UNC5CL: variants seen among roughly 807,000 people sequenced by gnomAD.
The protein encoded by UNC5CL is UNC5C-like protein.
UNC5CL carries 42 observed loss-of-function variants against 54.1 expected under a neutral mutation model. That is an observed-to-expected ratio of 0.78 (90% CI 0.61 to 1.00). The LOEUF (loss-of-function observed/expected upper bound fraction) is 1.00. UNC5CL is among the 50% of genes least tolerant of loss of function. The pLI is 0.00. For synonymous variants in UNC5CL, 285 were observed against 285.1 expected (o/e 1.00, Z 0.00); for missense variants, 619 against 675.6 (o/e 0.92, Z 0.93).
Position 41,034,724 on chromosome 6 carries a change from G to A in UNC5CL, c.351C>T (p.Leu117=), listed in dbSNP as rs1401063042. Residue 117 remains leucine, a synonymous_variant, in exon 2 of 9, where the codon CTC becomes CTT. Coordinates refer to ENST00000244565, the MANE Select transcript of UNC5CL (RefSeq NM_173561.3). ...TGAGCAAGGAGATGCCTGTATCCTG[G>A]AGCATCAGGCAACCGCCGCGGTGAT... The part of the protein sequence containing the change: ...EVDHRGGCLM[L]QDTGISLLIP... 4 of 1,606,372 alleles carry A rather than the reference G, an allele frequency of 2.5e-6. No homozygotes were observed. Among genetic ancestry groups the A allele is most frequent in the Middle Eastern group, 1.7e-4 (1 of 6,060 alleles).
rs530886462 is a variant in UNC5CL at position 41,031,000 on chromosome 6, G to T, written c.1120-245C>A. 7.9e-5 allele frequency among the ~76,000 whole-genome samples: 12 copies of T among 152,286 alleles called. No homozygotes were observed. In the East Asian group the frequency reaches 1.9e-3, roughly 24 times the overall value. ...TTTGGGAACTGGGACATGAAGACCA[G>T]AGTGCAGCCTGAGCCACCAGGGGAA... On this transcript the variant is annotated intron_variant, in intron 6 of 8. Coordinates refer to ENST00000244565, the MANE Select transcript of UNC5CL (RefSeq NM_173561.3).
chr6:41,028,416 C>A lies in UNC5CL; in HGVS notation c.1514G>T (p.Gly505Val). 1 of 1,609,532 alleles carries A rather than the reference C, an allele frequency of 6.2e-7. No individual in the cohort carries two copies. Among genetic ancestry groups the A allele is most frequent in the Non-Finnish European group, 8.5e-7 (1 of 1,178,340 alleles). Residue 505 changes from glycine (G) to valine (V), a missense_variant, in exon 9 of 9, where the codon GGC becomes GTC. Physicochemically the swap from Gly to Val is moderately radical, Grantham distance 109. Coordinates refer to ENST00000244565, the MANE Select transcript of UNC5CL (RefSeq NM_173561.3). The surrounding 1 kb of genome is among the most constrained non-coding windows in gnomAD (Gnocchi z 4.3). Reference sequence around the variant, plus strand: ...CTCCAGGCCCTGGTTATCCCGGGCGCCCCCGCGCTCGGGGCCTGGGCTGCC... The same window carrying A: ...CTCCAGGCCCTGGTTATCCCGGGCGACCCCGCGCTCGGGGCCTGGGCTGCC... ...HGGSPGPERG[G>V]ARDNQGLELD...
Position 41,033,124 on chromosome 6 carries a change from C to T in UNC5CL, c.709G>A (p.Ala237Thr), listed in dbSNP as rs776317128. ...TTGCGGGCTTCGCGCCCCACAGGTG[C>T]CTCCAGCACACAGGTGTAGAGGCTG... ...HFSLYTCVLEAPVGREARKWL... is the reference protein window; with the variant it reads ...HFSLYTCVLETPVGREARKWL... Residue 237 changes from alanine to threonine, a missense_variant, in exon 4 of 9, where the codon GCA (alanine) becomes ACA (threonine). Coordinates refer to ENST00000244565, the MANE Select transcript of UNC5CL (RefSeq NM_173561.3). 1.2e-6 allele frequency: 2 copies of T among 1,613,028 alleles called. No homozygotes were observed. Among genetic ancestry groups the T allele is most frequent in the Non-Finnish European group, 1.7e-6 (2 of 1,179,732 alleles).
chr6:41,028,557 A>G lies in UNC5CL; in HGVS notation c.1373T>C (p.Leu458Pro), dbSNP rs1235674792. 6.2e-7 allele frequency: 1 copy of G among 1,613,754 alleles called. No homozygotes were observed. The highest frequency in any genetic ancestry group is 8.5e-7 in the Non-Finnish European group (1 of 1,179,972). Residue 458 changes from leucine to proline, a missense_variant, in exon 9 of 9, where the codon CTG becomes CCG. Leu to Pro is a moderately conservative substitution (Grantham distance 98, BLOSUM62 -3). Transcript: ENST00000244565. The surrounding 1 kb of genome is among the most constrained non-coding windows in gnomAD (Gnocchi z 4.3). Reference sequence around the variant, plus strand: ...GCCGTTCTGCTCCTCAAACAACTCCAGGATGGCCGCTGCGGGGCTGCGCTG... The same window carrying G: ...GCCGTTCTGCTCCTCAAACAACTCCGGGATGGCCGCTGCGGGGCTGCGCTG... ...SCQRSPAAAI[L>P]ELFEEQNGSL...
chr6:41,032,815 G>A, intron 4 of UNC5CL, 69 bp downstream of exon 4: 1 of 1,473,022 alleles, frequency 6.8e-7, no homozygotes, highest in Non-Finnish European at 9.0e-7. Context: ...ATGTCCAGGG[G>A]AGGCCCAGAA....
Position 41,030,701 on chromosome 6 carries a change from A to T in UNC5CL, c.1174T>A (p.Ser392Thr). The T allele has an allele frequency of 3.7e-6, 6 of 1,614,034 alleles. No individual in the cohort carries two copies. Among genetic ancestry groups the T allele is most frequent in the Non-Finnish European group, 5.1e-6 (6 of 1,179,994 alleles). ...ILRFQASEEE[S>T]WAAPPPVSQP... ...GAAACAGGTGGTGGCGCTGCCCAGG[A>T]TTCCTCCTCTGATGCCTGGAATCTG... The change falls in exon 7 of 9, where the codon TCC becomes ACC. Residue 392 changes from serine (S) to threonine (T), a missense_variant. Transcript: ENST00000244565.
At chr6:41,034,588 A>T in intron 2 of UNC5CL, 102 bp downstream of exon 2, 2 of 1,394,852 alleles carry the variant, frequency 1.4e-6, no homozygotes, top group Non-Finnish European at 1.9e-6. Flanking sequence ...ATAAACAATT[A>T]TCAGAAGTAA....
At chr6:41,036,027 TATAA>T (rs1360906658) in intron 1 of UNC5CL, among the ~76,000 whole-genome samples, 1 of 152,210 alleles carries the variant, frequency 6.6e-6, no homozygotes, top group Non-Finnish European at 1.5e-5. Flanking sequence ...CAAAACTGCA[TATAA>T]ATAGATACAT....
rs1179592028 is a variant in UNC5CL, at chr6:41,032,977, G to T, written c.856C>A (p.Pro286Thr). The T allele has an allele frequency of 6.2e-7, 1 of 1,603,464 alleles. No homozygotes were observed. Residue 286 changes from proline to threonine, a missense_variant, in exon 4 of 9, where the codon CCC becomes ACC. Transcript: ENST00000244565. ...GGCCCACGCAGGCGCCCACCATGGG[G>T]CTGCTCGTTGGTCAGTGCCCACTGC... Reference protein sequence around the residue: ...ALQWALTNEQPHGGRLRGPCQ... With the variant: ...ALQWALTNEQTHGGRLRGPCQ...
In UNC5CL at chr6:41,031,706, A is replaced by G. The variant is rs146177527; in HGVS notation, c.1094T>C (p.Ile365Thr). 18 of 1,614,010 alleles carry G rather than the reference A, an allele frequency of 1.1e-5. No homozygotes were observed. Among genetic ancestry groups the G allele is most frequent in the African/African-American group, 5.3e-5 (4 of 74,902 alleles). Reference sequence around the variant, plus strand: ...ATCCTGGAAGGTGTGCATGGTGACAATGATCTCATTGGTTAGTGCTGAACA... The same window carrying G: ...ATCCTGGAAGGTGTGCATGGTGACAGTGATCTCATTGGTTAGTGCTGAACA... ...EDCSALTNEI[I>T]VTMHTFQDGL... The change falls in exon 6 of 9, where the codon ATT (isoleucine) becomes ACT (threonine). Residue 365 changes from isoleucine to threonine, a missense_variant. Physicochemically the swap from Ile to Thr is moderately conservative, Grantham distance 89. Coordinates refer to ENST00000244565, the MANE Select transcript of UNC5CL (RefSeq NM_173561.3).
intron 1 of UNC5CL, among the ~76,000 whole-genome samples, chr6:41,038,627 C>T (rs752680173): frequency 7.0e-4 from 107 of 152,166 alleles, no homozygotes; most frequent in Non-Finnish European, 1.4e-3. Flanking sequence ...TGGGGCATCC[C>T]AACCCCATGC....
At chr6:41,036,125 C>T (rs1581978693) in intron 1 of UNC5CL, among the ~76,000 whole-genome samples, 2 of 152,156 alleles carry the variant, frequency 1.3e-5, no homozygotes, top group South Asian at 4.1e-4. Flanking sequence ...ATGTGAACTA[C>T]ACATGTAATT....
rs1762421303 is a variant in UNC5CL at position 41,028,842 on chromosome 6, CTTA to C, written c.1335-250_1335-248del. The stretch of plus-strand genomic sequence containing the variant: ...ACTCCTCTCTAGGCTTCAGTTTCCT[CTTA>C]TTAAGATGAGGGCTTAGACAAGAGG... On this transcript the variant is annotated intron_variant, in intron 8 of 8. Coordinates refer to ENST00000244565, the MANE Select transcript of UNC5CL (RefSeq NM_173561.3). This position sits in a 1 kb window ranked among gnomAD's most constrained non-coding sequence, Gnocchi z 4.3. Among the ~76,000 whole-genome samples, 1 of 152,122 alleles carries C rather than the reference CTTA, an allele frequency of 6.6e-6. No individual in the cohort carries two copies. Among genetic ancestry groups the C allele is most frequent in the South Asian group, 2.1e-4 (1 of 4,830 alleles).
rs761371966 is a variant in UNC5CL, at chr6:41,028,323, G to A, written c.*50C>T. 6.0e-5 allele frequency: 89 copies of A among 1,486,188 alleles called. No homozygotes were observed. The highest frequency in any genetic ancestry group is 7.6e-5 in the Non-Finnish European group (85 of 1,112,988). 92.1% of individuals were successfully genotyped at this position (1,486,188 alleles called of 1,614,324 possible). A position where few individuals can be genotyped will look rare whatever the true frequency, so the allele number is the denominator to read the frequency against. On this transcript the variant is annotated 3_prime_UTR_variant, in exon 9 of 9. Transcript: ENST00000244565. This position sits in a 1 kb window ranked among gnomAD's most constrained non-coding sequence, Gnocchi z 4.3. ...TGCTGTGTTCCTCTTAGGCGTAGGA[G>A]AACAACCCCTCTCGCCCCTACACCT...
rs1762425190 is a variant in UNC5CL at position 41,029,198 on chromosome 6, C to A, written c.1335-603G>T. On this transcript the variant is annotated intron_variant, in intron 8 of 8. Transcript: ENST00000244565. The surrounding 1 kb of genome is among the most constrained non-coding windows in gnomAD (Gnocchi z 4.1). Reference sequence around the variant, plus strand: ...CCATCCTGAACCCCCTTAGCTCAGGCCTCTCTCTTTCTCGCCTTGCACACA... The same window carrying A: ...CCATCCTGAACCCCCTTAGCTCAGGACTCTCTCTTTCTCGCCTTGCACACA... 6.6e-6 allele frequency among the ~76,000 whole-genome samples: 1 copy of A among 152,112 alleles called. No homozygotes were observed. The highest frequency in any genetic ancestry group is 1.9e-4 in the East Asian group (1 of 5,180).
At chr6:41,034,334 C>T (rs114314640) in intron 2 of UNC5CL, among the ~76,000 whole-genome samples, 153 bp from the exon 3 acceptor site, 2,448 of 152,314 alleles carry the variant, frequency 0.016, 53 homozygotes, top group African/African-American at 0.055. Flanking sequence ...AAGAGTAAGA[C>T]GACTGTGGAG....
Position 41,028,528 on chromosome 6 carries a change from G to A in UNC5CL, c.1402C>T (p.Leu468=), listed in dbSNP as rs747574277. ...LELFEEQNGS[L]QELHYLMTVM... ...GTCATGAGGTAGTGCAGCTCCTGCA[G>A]GCTGCCGTTCTGCTCCTCAAACAAC... Residue 468 remains leucine (L), a synonymous_variant, in exon 9 of 9, where the codon CTG becomes TTG. Coordinates refer to ENST00000244565, the MANE Select transcript of UNC5CL (RefSeq NM_173561.3). This position sits in a 1 kb window ranked among gnomAD's most constrained non-coding sequence, Gnocchi z 4.3. 1.2e-6 allele frequency: 2 copies of A among 1,613,818 alleles called. No individual in the cohort carries two copies. The highest frequency in any genetic ancestry group is 4.5e-5 in the East Asian group (2 of 44,864).
chr6:41,032,854 T>C (rs1158577783), intron 4 of UNC5CL, 30 bp downstream of exon 4: 1 of 1,561,962 alleles, frequency 6.4e-7, no homozygotes, highest in Non-Finnish European at 8.7e-7. Context: ...CTCCCGATCA[T>C]CCTATCCCAC....
At chr6:41,036,433 T>C (rs575105268) in intron 1 of UNC5CL, among the ~76,000 whole-genome samples, 4 of 152,316 alleles carry the variant, frequency 2.6e-5, no homozygotes, top group Admixed American at 6.5e-5. Flanking sequence ...TCACAACAAA[T>C]TGAGAAGGTG....
Sources: allele counts gnomAD v4.1 joint callset (sites outside exome capture counted in the v4.1 genomes callset), GRCh38; gene constraint gnomAD v4.1.1; non-coding constraint Gnocchi (gnomAD v3.1); transcripts MANE v1.5; gene names NCBI Gene and HGNC (gene_info 2026-07-23, HGNC 2026-07-21).